NPHP4: variants seen among roughly 807,000 people sequenced by gnomAD.
NPHP4 encodes the protein nephrocystin-4.
In NPHP4, 151 loss-of-function variants were observed where a neutral mutation model predicts 155.8. That is an observed-to-expected ratio of 0.97 (90% CI 0.85 to 1.11). The LOEUF (loss-of-function observed/expected upper bound fraction) is 1.11. NPHP4 is among the 50% of genes least tolerant of loss of function. The probability of loss-of-function intolerance (pLI) is 0.00; values close to 1 mark genes in which losing one functional copy is unlikely to be tolerated. For missense variants in NPHP4, 1,956 were observed against 1,925.7 expected (o/e 1.02, Z -0.29); for synonymous variants, 845 against 816.8 (o/e 1.03, Z -0.59).
At chr1:5,932,733 A>G (rs998237173) in intron 10 of NPHP4, among the ~76,000 whole-genome samples, 1 of 152,136 alleles carries the variant, frequency 6.6e-6, no homozygotes. Flanking sequence ...TCCAACAAGC[A>G]TTAGTGATAA....
chr1:5,959,117 G>A (rs1649826693), intron 6 of NPHP4, among the ~76,000 whole-genome samples: 1 of 152,018 alleles, frequency 6.6e-6, no homozygotes, highest in Non-Finnish European at 1.5e-5. Flanking sequence ...CTTACCTGGT[G>A]GAGTCAGTCA....
chr1:5,986,143 A>C lies in NPHP4; in HGVS notation c.135+12T>G. Reference sequence around the variant, plus strand: ...GCAATAACACGCATTTGCTAACAGCACATTTTGTTACCTGCCTAATTACCG... The same window carrying C: ...GCAATAACACGCATTTGCTAACAGCCCATTTTGTTACCTGCCTAATTACCG... On this transcript the variant is annotated intron_variant, in intron 2 of 29. Coordinates refer to ENST00000378156, the MANE Select transcript of NPHP4 (RefSeq NM_015102.5). 6.2e-7 allele frequency: 1 copy of C among 1,613,730 alleles called. No homozygotes were observed.
chr1:5,895,874 T>C (rs1644370290), intron 16 of NPHP4, among the ~76,000 whole-genome samples: 1 of 151,884 alleles, frequency 6.6e-6, no homozygotes, highest in South Asian at 2.1e-4. Flanking sequence ...ACAGGCGACA[T>C]CTATGCAGCC....
intron 7 of NPHP4, among the ~76,000 whole-genome samples, chr1:5,948,972 T>C (rs1647363640): frequency 6.6e-6 from 1 of 152,238 alleles, no homozygotes; most frequent in Admixed American, 6.5e-5. Flanking sequence ...TTTCAAGTTT[T>C]CTTTACTGTC....
intron 23 of NPHP4, among the ~76,000 whole-genome samples, chr1:5,869,463 C>T (rs1353913517): frequency 4.6e-5 from 7 of 152,174 alleles, no homozygotes; most frequent in African/African-American, 1.2e-4. Context: ...ATATATCTTG[C>T]TTTATAGTTT....
intron 4 of NPHP4, among the ~76,000 whole-genome samples, chr1:5,968,553 G>A (rs192911102): frequency 1.3e-5 from 2 of 151,344 alleles, no homozygotes; most frequent in African/African-American, 2.4e-5. Flanking sequence ...GTGAGCCAAT[G>A]TTGCACCACT....
At chr1:5,877,001 G>T in intron 20 of NPHP4, 92 bp downstream of exon 20, 1 of 896,224 alleles carries the variant, frequency 1.1e-6, no homozygotes. Context: ...AGGAAGGTAA[G>T]AGAGAATCAT....
intron 23 of NPHP4, among the ~76,000 whole-genome samples, chr1:5,868,908 G>A (rs930263317): frequency 1.5e-5 from 2 of 129,070 alleles, no homozygotes; most frequent in East Asian, 4.7e-4. Context: ...CCACATGCAT[G>A]CACCCACACA....
intron 6 of NPHP4, among the ~76,000 whole-genome samples, chr1:5,956,247 G>C (rs912898864): frequency 5.3e-5 from 8 of 152,220 alleles, no homozygotes; most frequent in Non-Finnish European, 7.3e-5. Context: ...AGTGCTCCTG[G>C]AAGTGGCCCA....
At chr1:5,981,149 GCA>G (rs763218078) in intron 2 of NPHP4, among the ~76,000 whole-genome samples, 16 of 152,128 alleles carry the variant, frequency 1.1e-4, no homozygotes, top group Non-Finnish European at 1.8e-4. Flanking sequence ...GGTTCCCCCA[GCA>G]CCGCCACCTC....
chr1:5,949,973 G>A (rs924321268), intron 7 of NPHP4, among the ~76,000 whole-genome samples: 54 of 152,294 alleles, frequency 3.5e-4, no homozygotes, highest in African/African-American at 1.3e-3. Context: ...TGAGAAGCCA[G>A]CAGCAGGTTT....
rs1435355880 is a variant in NPHP4 at position 5,909,167 on chromosome 1, T to C, written c.1488A>G (p.Ser496=). The C allele has an allele frequency of 6.2e-7, 1 of 1,601,288 alleles. No individual in the cohort carries two copies. The highest frequency in any genetic ancestry group is 1.7e-5 in the Admixed American group (1 of 58,256). The part of the protein sequence containing the change: ...VPRVLAAPQN[S]PVGPGLSISQ... ...CTGGACTTACCCCTGGTCCCACAGG[T>C]GAGTTCTGCGGGGCAGCGAGAACTC... The change falls in exon 12 of 30, where the codon TCA becomes TCG. Residue 496 remains serine, a synonymous_variant. Coordinates refer to ENST00000378156, the MANE Select transcript of NPHP4 (RefSeq NM_015102.5).
chr1:5,873,104 C>T lies in NPHP4; in HGVS notation c.3315+148G>A, dbSNP rs577856082. 28 of 699,088 alleles carry T rather than the reference C, an allele frequency of 4.0e-5. 1 individual carries two copies. The highest frequency in any genetic ancestry group is 1.6e-4 in the African/African-American group (9 of 55,780). 43.3% of individuals were successfully genotyped at this position (699,088 alleles called of 1,614,324 possible). ...GGAGCTGCCCTGCCCAGCGAGGACA[C>T]GGAAAAGGCCATTCCCAGGCCCACG... On this transcript the variant is annotated intron_variant, in intron 23 of 29. Coordinates refer to ENST00000378156, the MANE Select transcript of NPHP4 (RefSeq NM_015102.5).
rs1557821969 is a variant in NPHP4, at chr1:5,952,843, C to G, written c.674-7G>C. On this transcript the variant is annotated splice_region_variant and splice_polypyrimidine_tract_variant and intron_variant, in intron 6 of 29. Coordinates refer to ENST00000378156, the MANE Select transcript of NPHP4 (RefSeq NM_015102.5). ...GGCTTTCGGAGAGCGTCGCCTGAAA[C>G]AGTGAGGGTGCGAAAAGGGTCATCC... 6.3e-7 allele frequency: 1 copy of G among 1,595,744 alleles called. No individual in the cohort carries two copies.
chr1:5,954,586 G>A lies in NPHP4; in HGVS notation c.674-1750C>T, dbSNP rs189557056. ...ATTTTTAAAGAGGTGCCAAGAACACGCACTGGGGAAAAGGCAGTCTCTTCA... is the reference window on the plus strand; with the variant it reads ...ATTTTTAAAGAGGTGCCAAGAACACACACTGGGGAAAAGGCAGTCTCTTCA... On this transcript the variant is annotated intron_variant, in intron 6 of 29. Coordinates refer to ENST00000378156, the MANE Select transcript of NPHP4 (RefSeq NM_015102.5). Among the ~76,000 whole-genome samples the A allele has an allele frequency of 3.5e-3, 532 of 152,252 alleles. 5 individuals carry two copies. Among genetic ancestry groups the A allele is most frequent in the African/African-American group, 0.012 (483 of 41,554 alleles).
chr1:5,941,285 T>TTGTTTG, intron 9 of NPHP4, among the ~76,000 whole-genome samples: 2 of 15,820 alleles, frequency 1.3e-4, no homozygotes, highest in African/African-American at 7.2e-4. Flanking sequence ...ACAAGAGATC[T>TTGTTTG]AGACAAAAAA....
rs572484662 is a variant in NPHP4, at chr1:5,929,829, T to C, written c.1303-2042A>G. 3.3e-5 allele frequency among the ~76,000 whole-genome samples: 5 copies of C among 152,304 alleles called. No individual in the cohort carries two copies. The East Asian group carries it at 9.6e-4, about 29-fold the overall frequency. On this transcript the variant is annotated intron_variant, in intron 10 of 29. Coordinates refer to ENST00000378156, the MANE Select transcript of NPHP4 (RefSeq NM_015102.5). ...GTAATGCTGGCTTCATTTCATGAGTTGGGAATTGCTCCCATCTTTTCTGTT... is the reference window on the plus strand; with the variant it reads ...GTAATGCTGGCTTCATTTCATGAGTCGGGAATTGCTCCCATCTTTTCTGTT...
At chr1:5,904,399 G>A (rs1370690092) in intron 16 of NPHP4, among the ~76,000 whole-genome samples, 1 of 152,160 alleles carries the variant, frequency 6.6e-6, no homozygotes, top group Non-Finnish European at 1.5e-5. Flanking sequence ...TAATGTCTGG[G>A]ATTTGCTTCA....
chr1:5,870,908 C>T (rs1396992226), intron 23 of NPHP4, among the ~76,000 whole-genome samples: 3 of 152,208 alleles, frequency 2.0e-5, no homozygotes, highest in African/African-American at 7.2e-5. Context: ...CTGGTGGGGG[C>T]CACTGGACGG....
Sources: allele counts gnomAD v4.1 joint callset (sites outside exome capture counted in the v4.1 genomes callset), GRCh38; gene constraint gnomAD v4.1.1; transcripts MANE v1.5; gene names NCBI Gene and HGNC (gene_info 2026-07-23, HGNC 2026-07-21).